NDUFAF2: variants seen among roughly 807,000 people sequenced by gnomAD.
The protein encoded by NDUFAF2 is NADH:ubiquinone oxidoreductase complex assembly factor 2, also known as NADH dehydrogenase [ubiquinone] 1 alpha subcomplex assembly factor 2.
NDUFAF2 carries 13 observed loss-of-function variants against 22.8 expected under a neutral mutation model. The observed-to-expected ratio is 0.57, with a 90% CI of 0.37 to 0.91. NDUFAF2 has a LOEUF of 0.91. Ranked by LOEUF, NDUFAF2 falls within the 40% of genes least tolerant of loss-of-function variation. The probability of loss-of-function intolerance (pLI) is 0.01; values close to 1 mark genes in which losing one functional copy is unlikely to be tolerated. For missense variants in NDUFAF2, 162 were observed against 195.2 expected (o/e 0.83, Z 1.01); for synonymous variants, 53 against 64.2 (o/e 0.83, Z 0.84).
At chr5:61,039,221 A>G (rs1339465243) in intron 1 of NDUFAF2, among the ~76,000 whole-genome samples, 3 of 151,974 alleles carry the variant, frequency 2.0e-5, no homozygotes, top group Non-Finnish European at 2.9e-5. Context: ...TATTTAAGGA[A>G]GTGGCATTTG....
At chr5:61,033,559 C>A (rs1022285819) in intron 1 of NDUFAF2, among the ~76,000 whole-genome samples, 4 of 151,920 alleles carry the variant, frequency 2.6e-5, no homozygotes, top group Non-Finnish European at 5.9e-5. Flanking sequence ...AATTAGTAAA[C>A]CTAGAACTAC....
At chr5:61,062,966 C>G (rs1407874840) in intron 1 of NDUFAF2, among the ~76,000 whole-genome samples, 10 of 152,012 alleles carry the variant, frequency 6.6e-5, no homozygotes, top group African/African-American at 9.7e-5. Context: ...AGCTGTTCTT[C>G]AGAAATGAAG....
chr5:61,088,644 C>T (rs1752532745), intron 2 of NDUFAF2, among the ~76,000 whole-genome samples: 1 of 152,064 alleles, frequency 6.6e-6, no homozygotes, highest in Non-Finnish European at 1.5e-5. Context: ...TAGCCATGAG[C>T]ACCACAAAAT....
chr5:60,955,294 G>C (rs1750600590), intron 1 of NDUFAF2, among the ~76,000 whole-genome samples: 2 of 152,100 alleles, frequency 1.3e-5, no homozygotes, highest in Admixed American at 6.5e-5. Flanking sequence ...TGGATATCTA[G>C]TTTTCCCAAT....
At chr5:61,122,073 ACC>A (rs1192497493) in intron 3 of NDUFAF2, among the ~76,000 whole-genome samples, 2 of 151,598 alleles carry the variant, frequency 1.3e-5, no homozygotes, top group Non-Finnish European at 2.9e-5. Context: ...CAAGCAATCT[ACC>A]CACCTTGGCC....
At chr5:60,988,037 CA>C (rs1751106094) in intron 1 of NDUFAF2, among the ~76,000 whole-genome samples, 1 of 151,742 alleles carries the variant, frequency 6.6e-6, no homozygotes. Flanking sequence ...TACTCCTGGC[CA>C]AAAAGCAGCT....
At chr5:61,098,137 G>A (rs1752666437) in intron 2 of NDUFAF2, among the ~76,000 whole-genome samples, 1 of 152,242 alleles carries the variant, frequency 6.6e-6, no homozygotes, top group East Asian at 1.9e-4. Flanking sequence ...AGGCTTCAAA[G>A]TAAACATTTA....
chr5:61,111,797 T>A lies in NDUFAF2; in HGVS notation c.258+12765T>A, dbSNP rs1306143231. Among the ~76,000 whole-genome samples the A allele has an allele frequency of 2.0e-5, 3 of 151,970 alleles. No homozygotes were observed. In the East Asian group the frequency reaches 5.8e-4, roughly 29 times the overall value. Reference sequence around the variant, plus strand: ...CCACGCCCGGCTAATTTTTTGTATTTTTAGTAGAGACTGGGTTTCACCGTG... The same window carrying A: ...CCACGCCCGGCTAATTTTTTGTATTATTAGTAGAGACTGGGTTTCACCGTG... On this transcript the variant is annotated intron_variant, in intron 3 of 3. Coordinates refer to ENST00000296597, the MANE Select transcript of NDUFAF2 (RefSeq NM_174889.5).
intron 1 of NDUFAF2, among the ~76,000 whole-genome samples, chr5:61,065,908 A>G (rs1752221386): frequency 6.6e-6 from 1 of 152,052 alleles, no homozygotes; most frequent in South Asian, 2.1e-4. Context: ...AATTATCTCT[A>G]TCTGTAGAAA....
chr5:60,945,244 T>C lies in NDUFAF2; in HGVS notation c.-12T>C, dbSNP rs1750413141. The C allele has an allele frequency of 2.5e-6, 4 of 1,612,278 alleles. No individual in the cohort carries two copies. The African/African-American group carries it at 5.3e-5, about 22-fold the overall frequency. On this transcript the variant is annotated 5_prime_UTR_variant, in exon 1 of 4. Transcript: ENST00000296597. The stretch of plus-strand genomic sequence containing the variant: ...TCCCGCTGCTGGCAGCGCTGGAAAC[T>C]GGGTGGACGGCATGGGTTGGTCTCA...
At chr5:61,063,690 T>G (rs1327619085) in intron 1 of NDUFAF2, among the ~76,000 whole-genome samples, 1 of 152,098 alleles carries the variant, frequency 6.6e-6, no homozygotes, top group East Asian at 1.9e-4. Context: ...AACCATAAAA[T>G]ATGTTATTTA....
intron 1 of NDUFAF2, among the ~76,000 whole-genome samples, chr5:61,021,526 T>C (rs1751583670): frequency 6.6e-6 from 1 of 152,206 alleles, no homozygotes. Flanking sequence ...ATTTTTGCCA[T>C]GTAAGGTAAC....
chr5:61,126,885 C>A (rs1753042593), intron 3 of NDUFAF2, among the ~76,000 whole-genome samples: 1 of 151,888 alleles, frequency 6.6e-6, no homozygotes, highest in Non-Finnish European at 1.5e-5. Context: ...AATTGACAGA[C>A]CACTAGCAAG....
Position 60,984,783 on chromosome 5 carries a change from G to T in NDUFAF2, c.127+39401G>T, listed in dbSNP as rs574605052. Among the ~76,000 whole-genome samples, 5 of 152,296 alleles carry T rather than the reference G, an allele frequency of 3.3e-5. No individual in the cohort carries two copies. The East Asian group carries it at 9.6e-4, about 29-fold the overall frequency. ...TGGATAAGCTTTTTGATGTGCTGCT[G>T]GATTCGGTTTGCCAGTATTTTATTG... On this transcript the variant is annotated intron_variant, in intron 1 of 3. Coordinates refer to ENST00000296597, the MANE Select transcript of NDUFAF2 (RefSeq NM_174889.5).
chr5:61,130,779 A>G (rs1382331051), intron 3 of NDUFAF2, among the ~76,000 whole-genome samples: 15 of 152,142 alleles, frequency 9.9e-5, no homozygotes, highest in Admixed American at 9.2e-4. Context: ...ATAAATGCCT[A>G]TTCTGTGTTA....
intron 1 of NDUFAF2, among the ~76,000 whole-genome samples, chr5:61,070,616 C>T (rs1752284772): frequency 6.6e-6 from 1 of 151,718 alleles, no homozygotes; most frequent in Non-Finnish European, 1.5e-5. Flanking sequence ...CACACACACA[C>T]ACACACACAC....
intron 1 of NDUFAF2, among the ~76,000 whole-genome samples, chr5:61,050,187 C>T (rs949773801): frequency 6.6e-6 from 1 of 152,020 alleles, no homozygotes; most frequent in African/African-American, 2.4e-5. Context: ...TACATTCCCA[C>T]CAACAGTGCA....
At chr5:61,039,559 A>G (rs970428278) in intron 1 of NDUFAF2, among the ~76,000 whole-genome samples, 2 of 152,218 alleles carry the variant, frequency 1.3e-5, no homozygotes, top group African/African-American at 4.8e-5. Context: ...AGTAAATGGT[A>G]TAAGTGATGA....
At chr5:61,064,210 A>G (rs1289505411) in intron 1 of NDUFAF2, among the ~76,000 whole-genome samples, 2 of 152,146 alleles carry the variant, frequency 1.3e-5, no homozygotes, top group African/African-American at 2.4e-5. Flanking sequence ...TTGTAAATCT[A>G]TATGTACCCA....
Sources: allele counts gnomAD v4.1 joint callset (sites outside exome capture counted in the v4.1 genomes callset), GRCh38; gene constraint gnomAD v4.1.1; transcripts MANE v1.5; gene names NCBI Gene and HGNC (gene_info 2026-07-23, HGNC 2026-07-21).